The following KCNK3 variants were observed in gnomAD, a reference collection of about 807,000 sequenced individuals.
KCNK3 encodes the protein potassium two pore domain channel subfamily K member 3.
A neutral mutation model predicts 27.3 loss-of-function variants in KCNK3; 9 were observed. That is an observed-to-expected ratio of 0.33 (90% confidence interval 0.20 to 0.57). KCNK3 has a LOEUF of 0.57. Among genes scored for constraint, KCNK3 ranks in the 20% least tolerant of loss-of-function variants. The probability of loss-of-function intolerance (pLI) is 0.87; values close to 1 mark genes in which losing one functional copy is unlikely to be tolerated. For synonymous variants in KCNK3, 278 were observed against 273.8 expected (o/e 1.02, Z -0.15); for missense variants, 391 against 577.7 (o/e 0.68, Z 3.31).
rs768854800 is a variant in KCNK3 at position 26,728,372 on chromosome 2, C to A, written c.989C>A (p.Pro330Gln). The change falls in exon 2 of 2, where the codon CCG (proline) becomes CAG (glutamine). Residue 330 changes from proline to glutamine, a missense_variant. Pro to Gln is a moderately conservative substitution (Grantham distance 76, BLOSUM62 -1). This residue lies in a region of KCNK3 where 192 missense variants were observed against 196.0 expected (regional missense o/e 0.98). Transcript: ENST00000302909. The stretch of plus-strand genomic sequence containing the variant: ...CAGTACTCCATCCCCATGATCATCC[C>A]GCGGGACCTCTCCACGTCCGACACG... ...KLQYSIPMII[P>Q]RDLSTSDTCV... The A allele has an allele frequency of 2.5e-6, 4 of 1,607,808 alleles. No individual in the cohort carries two copies. Among genetic ancestry groups the A allele is most frequent in the East Asian group, 2.2e-5 (1 of 44,544 alleles).
chr2:26,726,416 G>A (rs1443913336), intron 1 of KCNK3, among the ~76,000 whole-genome samples: 1 of 152,184 alleles, frequency 6.6e-6, no homozygotes, highest in East Asian at 1.9e-4. Context: ...ATCATAAGCT[G>A]TGAGGAATCC....
At position 26,721,423 on chromosome 2, in the gene KCNK3, A is replaced by G. The variant is rs1053394365; in HGVS notation, c.284-6244A>G. ...TCCTCTCCTCCCCCAAGACCTGGGC[A>G]CAGAAGCTAGGCTCCTTCCGCCTCA... On this transcript the variant is annotated intron_variant, in intron 1 of 1. Coordinates refer to ENST00000302909, the MANE Select transcript of KCNK3 (RefSeq NM_002246.3). The surrounding 1 kb of genome is among the most constrained non-coding windows in gnomAD (Gnocchi z 4.3). Among the ~76,000 whole-genome samples, 1 of 152,022 alleles carries G rather than the reference A, an allele frequency of 6.6e-6. No homozygotes were observed. Among genetic ancestry groups the G allele is most frequent in the Non-Finnish European group, 1.5e-5 (1 of 67,986 alleles).
At chr2:26,704,871 T>C (rs193282770) in intron 1 of KCNK3, among the ~76,000 whole-genome samples, 6 of 152,382 alleles carry the variant, frequency 3.9e-5, no homozygotes, top group Admixed American at 2.0e-4. Context: ...TGAACTAAGG[T>C]TGGCATTCAT....
At chr2:26,725,354 G>A (rs1663397275) in intron 1 of KCNK3, among the ~76,000 whole-genome samples, 1 of 152,182 alleles carries the variant, frequency 6.6e-6, no homozygotes, top group South Asian at 2.1e-4. Flanking sequence ...AATAGCTCTA[G>A]CTCAATCTTC....
chr2:26,696,668 T>G (rs1274353753), intron 1 of KCNK3, among the ~76,000 whole-genome samples: 1 of 152,190 alleles, frequency 6.6e-6, no homozygotes, highest in African/African-American at 2.4e-5. Context: ...GAAAGTCATT[T>G]CTTAGGAAGT....
chr2:26,706,292 TC>T (rs147184554), intron 1 of KCNK3, among the ~76,000 whole-genome samples: 4,577 of 151,692 alleles, frequency 0.03, 108 homozygotes, highest in South Asian at 0.1. Context: ...TCGTTTCCCC[TC>T]CCCCCCAGAG....
At chr2:26,719,370 G>A (rs1473888953) in intron 1 of KCNK3, among the ~76,000 whole-genome samples, 2 of 152,110 alleles carry the variant, frequency 1.3e-5, no homozygotes, top group Non-Finnish European at 2.9e-5. Flanking sequence ...AACACATCAT[G>A]TGTCATCCTA....
At chr2:26,705,990 A>T (rs1199036357) in intron 1 of KCNK3, among the ~76,000 whole-genome samples, 2 of 152,132 alleles carry the variant, frequency 1.3e-5, no homozygotes, top group African/African-American at 4.8e-5. Context: ...GAGTTAATTC[A>T]TTAGGGCTGA....
At chr2:26,713,819 T>G (rs1457325765) in intron 1 of KCNK3, among the ~76,000 whole-genome samples, 1 of 150,432 alleles carries the variant, frequency 6.6e-6, no homozygotes, top group Non-Finnish European at 1.5e-5. Context: ...CTCACACTTG[T>G]AATCCCAGCA....
intron 1 of KCNK3, among the ~76,000 whole-genome samples, chr2:26,722,732 A>G (rs190567569): frequency 1.0e-3 from 152 of 152,394 alleles, no homozygotes; most frequent in African/African-American, 3.3e-3. Flanking sequence ...GAAATTAATT[A>G]TGGTTCTAAC....
In KCNK3 at chr2:26,693,203, G is replaced by T. The variant is rs1670191945; in HGVS notation, c.283+45G>T. ...GGGGCGGGAACCCAGGGCTGGGCGC[G>T]GGGCTCCGGGAGTCGTCCGGGGCCG... On this transcript the variant is annotated intron_variant, in intron 1 of 1. Transcript: ENST00000302909. This position sits in a 1 kb window ranked among gnomAD's most constrained non-coding sequence, Gnocchi z 5.5. 14 of 1,419,088 alleles carry T rather than the reference G, an allele frequency of 9.9e-6. No homozygotes were observed. Among genetic ancestry groups the T allele is most frequent in the Non-Finnish European group, 1.2e-5 (13 of 1,068,926 alleles). The allele number at this position is 1,419,088 out of a possible 1,614,324, so 87.9% of individuals were successfully genotyped here.
intron 1 of KCNK3, among the ~76,000 whole-genome samples, chr2:26,697,042 T>A (rs1350957579): frequency 6.6e-6 from 1 of 152,218 alleles, no homozygotes; most frequent in African/African-American, 2.4e-5. Flanking sequence ...CCTCTCTAGA[T>A]AGGCATTATT....
rs560366807 is a variant in KCNK3, at chr2:26,721,607, C to T, written c.284-6060C>T. Among the ~76,000 whole-genome samples, 21 of 152,278 alleles carry T rather than the reference C, an allele frequency of 1.4e-4. No homozygotes were observed. The highest frequency in any genetic ancestry group is 4.8e-4 in the African/African-American group (20 of 41,566). On this transcript the variant is annotated intron_variant, in intron 1 of 1. Coordinates refer to ENST00000302909, the MANE Select transcript of KCNK3 (RefSeq NM_002246.3). This position sits in a 1 kb window ranked among gnomAD's most constrained non-coding sequence, Gnocchi z 4.3. ...CCCTCCCCTGGGTGCCCTCTGAGCC[C>T]AGCTGCCCTCTGCCATCCAGCAGGG...
Position 26,693,226 on chromosome 2 carries a change from C to T in KCNK3, c.283+68C>T, listed in dbSNP as rs921571135. 2.2e-5 allele frequency: 27 copies of T among 1,239,012 alleles called. No homozygotes were observed. In the Admixed American group the frequency reaches 2.4e-4, roughly 11 times the overall value. The allele number at this position is 1,239,012 out of a possible 1,614,324, so 76.8% of individuals were successfully genotyped here. A position where few individuals can be genotyped will look rare whatever the true frequency, so the allele number is the denominator to read the frequency against. On this transcript the variant is annotated intron_variant, in intron 1 of 1. Transcript: ENST00000302909. The surrounding 1 kb of genome is among the most constrained non-coding windows in gnomAD (Gnocchi z 5.5). ...GCGGGGCTCCGGGAGTCGTCCGGGGCCGGCTGGGGCTGGGGGCGGGGGCTC... is the reference window on the plus strand; with the variant it reads ...GCGGGGCTCCGGGAGTCGTCCGGGGTCGGCTGGGGCTGGGGGCGGGGGCTC...
At chr2:26,708,780 T>C (rs539004303) in intron 1 of KCNK3, among the ~76,000 whole-genome samples, 1 of 152,380 alleles carries the variant, frequency 6.6e-6, no homozygotes, top group East Asian at 1.9e-4. Context: ...ACTTAAATTT[T>C]TACAAGAGCA....
chr2:26,711,675 G>A (rs1663110967), intron 1 of KCNK3, among the ~76,000 whole-genome samples: 1 of 152,226 alleles, frequency 6.6e-6, no homozygotes, highest in Non-Finnish European at 1.5e-5. Flanking sequence ...TATACCAATA[G>A]GGTCGTTTGA....
rs777780035 is a variant in KCNK3, at chr2:26,728,450, C to G, written c.1067C>G (p.Thr356Arg). ...GGAGGGGGCGGCCGCTACAGCGACACGCCCTCGCGACGCTGCCTGTGCAGC... is the reference window on the plus strand; with the variant it reads ...GGAGGGGGCGGCCGCTACAGCGACAGGCCCTCGCGACGCTGCCTGTGCAGC... Reference protein sequence around the residue: ...SPGGGGRYSDTPSRRCLCSGA... With the variant: ...SPGGGGRYSDRPSRRCLCSGA... Residue 356 changes from threonine (T) to arginine (R), a missense_variant, in exon 2 of 2, where the codon ACG (threonine) becomes AGG (arginine). Coordinates refer to ENST00000302909, the MANE Select transcript of KCNK3 (RefSeq NM_002246.3). 18 of 1,580,544 alleles carry G rather than the reference C, an allele frequency of 1.1e-5. No homozygotes were observed. Among genetic ancestry groups the G allele is most frequent in the Non-Finnish European group, 1.5e-5 (17 of 1,160,314 alleles).
rs1265096279 is a variant in KCNK3 at position 26,693,746 on chromosome 2, A to T, written c.283+588A>T. Among the ~76,000 whole-genome samples the T allele has an allele frequency of 6.6e-6, 1 of 152,176 alleles. No individual in the cohort carries two copies. The highest frequency in any genetic ancestry group is 1.5e-5 in the Non-Finnish European group (1 of 68,028). ...GCCTGTGATTTTCTCAGAGCGGCAGAATTGGTGCGGGAAGCCAGATCTGGC... is the reference window on the plus strand; with the variant it reads ...GCCTGTGATTTTCTCAGAGCGGCAGTATTGGTGCGGGAAGCCAGATCTGGC... On this transcript the variant is annotated intron_variant, in intron 1 of 1. Transcript: ENST00000302909. The surrounding 1 kb of genome is among the most constrained non-coding windows in gnomAD (Gnocchi z 5.5).
rs1209597844 is a variant in KCNK3 at position 26,732,275 on chromosome 2, C to T, written c.*3707C>T. Reference sequence around the variant, plus strand: ...TCTGCCTACCTTTCACAAAATAATTCTTAGCAACCCTGCTACAGCCAATGA... The same window carrying T: ...TCTGCCTACCTTTCACAAAATAATTTTTAGCAACCCTGCTACAGCCAATGA... On this transcript the variant is annotated 3_prime_UTR_variant, in exon 2 of 2. Coordinates refer to ENST00000302909, the MANE Select transcript of KCNK3 (RefSeq NM_002246.3). 6.6e-6 allele frequency: 1 copy of T among 152,264 alleles called. No individual in the cohort carries two copies. The highest frequency in any genetic ancestry group is 2.4e-5 in the African/African-American group (1 of 41,450). The allele number at this position is 152,264 out of a possible 1,614,324, so 9.4% of individuals were successfully genotyped here.
Sources: allele counts gnomAD v4.1 joint callset (sites outside exome capture counted in the v4.1 genomes callset), GRCh38; gene constraint gnomAD v4.1.1; regional missense constraint gnomAD v4.1.1; non-coding constraint Gnocchi (gnomAD v3.1); transcripts MANE v1.5; gene names NCBI Gene and HGNC (gene_info 2026-07-23, HGNC 2026-07-21).